TBC1D22B: variants seen among roughly 807,000 people sequenced by gnomAD.
TBC1D22B encodes the protein TBC1 domain family member 22B.
A neutral mutation model predicts 69.1 loss-of-function variants in TBC1D22B; 32 were observed. The ratio of observed to expected loss-of-function variants is 0.46; its 90% CI spans 0.35 to 0.62. The LOEUF (loss-of-function observed/expected upper bound fraction) is 0.62, where lower values mean the gene tolerates loss of function less well. TBC1D22B is among the 20% of genes least tolerant of loss of function. TBC1D22B has a pLI of 0.00. For missense variants in TBC1D22B, 462 were observed against 630.9 expected (o/e 0.73, Z 2.87); for synonymous variants, 206 against 229.8 (o/e 0.90, Z 0.94).
intron 12 of TBC1D22B, among the ~76,000 whole-genome samples, chr6:37,324,925 G>T (rs573874105): frequency 9.2e-5 from 14 of 152,292 alleles, no homozygotes; most frequent in African/African-American, 3.4e-4. Flanking sequence ...GTAGATGTAG[G>T]ATTAAACAAA....
intron 8 of TBC1D22B, among the ~76,000 whole-genome samples, chr6:37,306,769 G>A (rs1292740616): frequency 6.6e-6 from 1 of 152,196 alleles, no homozygotes. Context: ...CAGAGTTCAT[G>A]TATTATTCTG....
chr6:37,282,281 C>T lies in TBC1D22B; in HGVS notation c.518C>T (p.Ser173Phe). Reference sequence around the variant, plus strand: ...GCCCGGATCTCGGATCAGAACGCTTCTGGGGCCCCCCCAATGACTGTCCGG... The same window carrying T: ...GCCCGGATCTCGGATCAGAACGCTTTTGGGGCCCCCCCAATGACTGTCCGG... The part of the protein sequence containing the change: ...LVARISDQNA[S>F]GAPPMTVREK... Residue 173 changes from serine (S) to phenylalanine (F), a missense_variant, in exon 4 of 13, where the codon TCT becomes TTT. Ser to Phe is a radical substitution (Grantham distance 155). Transcript: ENST00000373491. The T allele has an allele frequency of 6.2e-7, 1 of 1,614,210 alleles. No individual in the cohort carries two copies. Among genetic ancestry groups the T allele is most frequent in the Non-Finnish European group, 8.5e-7 (1 of 1,180,040 alleles).
intron 8 of TBC1D22B, among the ~76,000 whole-genome samples, chr6:37,295,369 G>A (rs966560544): frequency 4.6e-5 from 7 of 152,172 alleles, no homozygotes; most frequent in African/African-American, 1.7e-4. Context: ...GCCTCCCAAA[G>A]TCCTGAGAGT....
chr6:37,284,223 C>T (rs867848245), intron 5 of TBC1D22B, 113 bp from the exon 6 acceptor site: 2 of 1,540,344 alleles, frequency 1.3e-6, no homozygotes, highest in East Asian at 2.3e-5. Context: ...AGGGATTTAC[C>T]CTTGGCAGTT....
intron 7 of TBC1D22B, among the ~76,000 whole-genome samples, chr6:37,289,653 A>G (rs891109689): frequency 1.3e-5 from 2 of 152,214 alleles, no homozygotes; most frequent in African/African-American, 4.8e-5. Flanking sequence ...CTTTGGAAAG[A>G]CCAACCTGGA....
chr6:37,277,888 G>A (rs1255091872), intron 2 of TBC1D22B, among the ~76,000 whole-genome samples: 1 of 151,986 alleles, frequency 6.6e-6, no homozygotes, highest in East Asian at 1.9e-4. Context: ...CAGCAATTTG[G>A]GAGGCTCAGG....
chr6:37,283,398 A>G (rs995517144), intron 5 of TBC1D22B, among the ~76,000 whole-genome samples: 7 of 152,198 alleles, frequency 4.6e-5, no homozygotes, highest in African/African-American at 9.7e-5. Flanking sequence ...GCCAGCCGCT[A>G]TGATAGAAAC....
rs201374697 is a variant in TBC1D22B, at chr6:37,267,550, C to CAT, written c.57-2034_57-2033dup. On this transcript the variant is annotated intron_variant, in intron 1 of 12. Transcript: ENST00000373491. Reference sequence around the variant, plus strand: ...ACTATATATATAATATATATATACACATATATATATACACACACACATATA... The same window carrying CAT: ...ACTATATATATAATATATATATACACATATATATATATACACACACACATATA... Among the ~76,000 whole-genome samples the CAT allele has an allele frequency of 4.1e-4, 57 of 137,760 alleles. 1 individual carries two copies. The South Asian group carries it at 9.3e-3, about 23-fold the overall frequency. The allele number at this position is 137,760 out of a possible 152,430, so 90.4% of individuals were successfully genotyped here.
intron 12 of TBC1D22B, among the ~76,000 whole-genome samples, chr6:37,322,158 G>A (rs1768270503): frequency 6.6e-6 from 1 of 152,176 alleles, no homozygotes; most frequent in Non-Finnish European, 1.5e-5. Flanking sequence ...GCCTGAAGAG[G>A]ACTGTATCTG....
At chr6:37,267,138 C>T (rs937056315) in intron 1 of TBC1D22B, among the ~76,000 whole-genome samples, 3 of 150,364 alleles carry the variant, frequency 2.0e-5, no homozygotes, top group Non-Finnish European at 4.4e-5. Flanking sequence ...GGTCTTGCTA[C>T]GTTGCTCAGG....
At chr6:37,296,121 G>A (rs1455650160) in intron 8 of TBC1D22B, among the ~76,000 whole-genome samples, 1 of 152,154 alleles carries the variant, frequency 6.6e-6, no homozygotes, top group Non-Finnish European at 1.5e-5. Flanking sequence ...AATTAGTGGG[G>A]TGTGGTGGCA....
intron 8 of TBC1D22B, among the ~76,000 whole-genome samples, chr6:37,294,173 A>G (rs1422107146): frequency 1.3e-5 from 2 of 152,186 alleles, no homozygotes; most frequent in Non-Finnish European, 2.9e-5. Flanking sequence ...CTTCTATTGG[A>G]AAAAGATGCT....
chr6:37,278,194 G>A (rs911845818), intron 2 of TBC1D22B, among the ~76,000 whole-genome samples: 2 of 152,092 alleles, frequency 1.3e-5, no homozygotes, highest in Non-Finnish European at 2.9e-5. Flanking sequence ...AAATCCAGAG[G>A]CAGATCTTGT....
At chr6:37,291,181 G>A (rs569827237) in intron 7 of TBC1D22B, 62 bp from the exon 8 acceptor site, 11 of 1,174,898 alleles carry the variant, frequency 9.4e-6, no homozygotes, top group African/African-American at 7.5e-5. Flanking sequence ...GTAGGTAAAC[G>A]GAGGGAAGGA....
In TBC1D22B at chr6:37,279,513, G is replaced by A. The variant is rs1766761131; in HGVS notation, c.323G>A (p.Arg108Lys). The change falls in exon 3 of 13, where the codon AGA becomes AAA. Residue 108 changes from arginine to lysine, a missense_variant. Coordinates refer to ENST00000373491, the MANE Select transcript of TBC1D22B (RefSeq NM_017772.4). ...AQVLENHSKL[R>K]VKPERSQSTT... ...GTTCTAGAAAACCACAGCAAGCTGA[G>A]AGTAAAACCAGAACGGTCCCAGTCA... The A allele has an allele frequency of 6.2e-7, 1 of 1,614,206 alleles. No individual in the cohort carries two copies. The highest frequency in any genetic ancestry group is 1.6e-4 in the Middle Eastern group (1 of 6,062).
intron 10 of TBC1D22B, among the ~76,000 whole-genome samples, chr6:37,315,315 TC>T (rs1768044439): frequency 6.6e-6 from 1 of 152,104 alleles, no homozygotes; most frequent in African/African-American, 2.4e-5. Context: ...ACACCTGTAA[TC>T]CCAGCCGAGG....
intron 8 of TBC1D22B, among the ~76,000 whole-genome samples, chr6:37,304,972 C>G (rs1767665931): frequency 6.6e-6 from 1 of 152,182 alleles, no homozygotes; most frequent in Non-Finnish European, 1.5e-5. Context: ...GGTGAGCCGC[C>G]TTCACACTGA....
intron 8 of TBC1D22B, among the ~76,000 whole-genome samples, chr6:37,303,652 A>G (rs1767629086): frequency 6.6e-6 from 1 of 152,208 alleles, no homozygotes. Flanking sequence ...CTAACTTGGC[A>G]TGTAAAGGCC....
chr6:37,316,895 T>C, intron 11 of TBC1D22B, 65 bp downstream of exon 11: 1 of 1,608,044 alleles, frequency 6.2e-7, no homozygotes, highest in Non-Finnish European at 8.5e-7. Flanking sequence ...CTCTGCCATG[T>C]TGTGGAATGT....
Sources: gnomAD v4.1 joint callset for allele counts (sites outside exome capture counted in the v4.1 genomes callset) on GRCh38, gnomAD v4.1.1 for gene constraint, MANE v1.5 for transcripts, NCBI Gene and HGNC (gene_info 2026-07-23, HGNC 2026-07-21) for gene names.